The following PPP1R3B variants were observed in gnomAD, a reference collection of about 807,000 sequenced individuals.
PPP1R3B encodes the protein PP1 subunit R4.
Under a neutral mutation model 14.6 loss-of-function variants are expected in PPP1R3B, and 8 were observed. The observed-to-expected ratio is 0.55, with a 90% CI of 0.32 to 0.99. PPP1R3B has a LOEUF of 0.99. Ranked by LOEUF, PPP1R3B falls within the 50% of genes least tolerant of loss-of-function variation. The pLI is 0.04. For missense variants in PPP1R3B, 452 were observed against 360.1 expected (o/e 1.26, Z -2.07); for synonymous variants, 169 against 142.0 (o/e 1.19, Z -1.35).
At chr8:9,150,124 A>G (rs1432965290) in intron 1 of PPP1R3B, among the ~76,000 whole-genome samples, 1 of 152,068 alleles carries the variant, frequency 6.6e-6, no homozygotes, top group Non-Finnish European at 1.5e-5. Context: ...TGGCTCCTGG[A>G]CAACTCTGCC....
chr8:9,149,473 C>T (rs914514395), intron 1 of PPP1R3B, among the ~76,000 whole-genome samples: 7 of 152,230 alleles, frequency 4.6e-5, no homozygotes, highest in East Asian at 1.9e-4. Context: ...CACTGCACTC[C>T]AGCCTGGGCG....
At position 9,140,785 on chromosome 8, in the gene PPP1R3B, C is replaced by T; in HGVS notation, c.*9G>A. On this transcript the variant is annotated 3_prime_UTR_variant, in exon 2 of 2. Coordinates refer to ENST00000310455, the MANE Select transcript of PPP1R3B (RefSeq NM_024607.4). ...TGGCAGCTCCGCCACGCCCTGTCAC[C>T]TGCAGTCACTAGTAGTAGGGCCCTA... 1 of 1,612,760 alleles carries T rather than the reference C, an allele frequency of 6.2e-7. No individual in the cohort carries two copies. The highest frequency in any genetic ancestry group is 1.7e-4 in the Middle Eastern group (1 of 6,056).
At position 9,141,564 on chromosome 8, in the gene PPP1R3B, G is replaced by C. The variant is rs1188229664; in HGVS notation, c.88C>G (p.Pro30Ala). The change falls in exon 2 of 2, where the codon CCC becomes GCC. Residue 30 changes from proline (P) to alanine (A), a missense_variant. Coordinates refer to ENST00000310455, the MANE Select transcript of PPP1R3B (RefSeq NM_024607.4). ...ATACAAGGCCTCAGTGGTTTGCTGGGCTTTGGTGAGATCTTAAAGGCAAAC... is the reference window on the plus strand; with the variant it reads ...ATACAAGGCCTCAGTGGTTTGCTGGCCTTTGGTGAGATCTTAAAGGCAAAC... ...ERFAFKISPK[P>A]SKPLRPCIQL... is the part of the protein sequence containing the mutation. 1.2e-6 allele frequency: 2 copies of C among 1,614,146 alleles called. No individual in the cohort carries two copies. The highest frequency in any genetic ancestry group is 4.5e-5 in the East Asian group (2 of 44,878).
rs1470959720 is a variant in PPP1R3B at position 9,138,199 on chromosome 8, T to G, written c.*2595A>C. 2.0e-5 allele frequency: 3 copies of G among 152,212 alleles called. No individual in the cohort carries two copies. Among genetic ancestry groups the G allele is most frequent in the African/African-American group, 7.2e-5 (3 of 41,456 alleles). 9.4% of individuals were successfully genotyped at this position (152,212 alleles called of 1,614,324 possible). On this transcript the variant is annotated 3_prime_UTR_variant, in exon 2 of 2. Coordinates refer to ENST00000310455, the MANE Select transcript of PPP1R3B (RefSeq NM_024607.4). ...TTCCATTTGAGTTCGATTTATGCTA[T>G]TAATAGTTCTGATCACCAAATTTAT...
At chr8:9,142,355 C>G (rs1043883028) in intron 1 of PPP1R3B, 2 of 152,332 alleles carry the variant, frequency 1.3e-5, no homozygotes, top group African/African-American at 2.4e-5. Flanking sequence ...CTTGACCTCC[C>G]AAGGTGCTAG....
chr8:9,144,276 C>G (rs74658290), intron 1 of PPP1R3B, among the ~76,000 whole-genome samples: 16,907 of 151,578 alleles, frequency 0.11, 1,365 homozygotes, highest in East Asian at 0.36. Flanking sequence ...CAGCCTCCAC[C>G]TCCTGGGCTC....
rs930234531 is a variant in PPP1R3B at position 9,149,579 on chromosome 8, G to A, written c.-18+984C>T. On this transcript the variant is annotated intron_variant, in intron 1 of 1. Coordinates refer to ENST00000310455, the MANE Select transcript of PPP1R3B (RefSeq NM_024607.4). ...CCCACCAGGAACACTGAAAGCTGCC[G>A]AACTGCATTCAGTAAACATTCACAA... 6.5e-4 allele frequency among the ~76,000 whole-genome samples: 99 copies of A among 152,180 alleles called. 6 individuals carry two copies. The highest frequency in any genetic ancestry group is 4.4e-5 in the Non-Finnish European group (3 of 68,022).
At position 9,140,970 on chromosome 8, in the gene PPP1R3B, T is replaced by C; in HGVS notation, c.682A>G (p.Lys228Glu). 1.9e-6 allele frequency: 3 copies of C among 1,614,048 alleles called. No individual in the cohort carries two copies. Among genetic ancestry groups the C allele is most frequent in the South Asian group, 1.1e-5 (1 of 91,090 alleles). ...TCAGCCCGGATGATCCTATAGTTCT[T>C]GCCTCTGTTGCTGTCCCAGTACGTC... Reference protein sequence around the residue: ...GQTYWDSNRGKNYRIIRAELK... With the variant: ...GQTYWDSNRGENYRIIRAELK... Residue 228 changes from lysine (K) to glutamate (E), a missense_variant, in exon 2 of 2, where the codon AAG becomes GAG. Lys to Glu is a moderately conservative substitution (Grantham distance 56). Transcript: ENST00000310455.
In PPP1R3B at chr8:9,140,752, C is replaced by A. The variant is rs434238; in HGVS notation, c.*42G>T. The A allele has an allele frequency of 3.1e-6, 5 of 1,598,818 alleles. No homozygotes were observed. The highest frequency in any genetic ancestry group is 4.3e-6 in the Non-Finnish European group (5 of 1,171,626). On this transcript the variant is annotated 3_prime_UTR_variant, in exon 2 of 2. Coordinates refer to ENST00000310455, the MANE Select transcript of PPP1R3B (RefSeq NM_024607.4). ...CCACTGCACAGTGAGCAGAGCTAGG[C>A]TTGTCTGTGGCAGCTCCGCCACGCC...
chr8:9,151,129 G>A (rs1431251736), upstream of PPP1R3B, among the ~76,000 whole-genome samples: 1 of 152,174 alleles, frequency 6.6e-6, no homozygotes, highest in Admixed American at 6.5e-5. Flanking sequence ...ACGTGGGCCC[G>A]GGAGGCGCTT....
intron 1 of PPP1R3B, among the ~76,000 whole-genome samples, chr8:9,148,920 G>T (rs1013147715): frequency 6.6e-6 from 1 of 152,268 alleles, no homozygotes; most frequent in East Asian, 1.9e-4. Context: ...GGGCGTGGTG[G>T]CTCACGCCTG....
In PPP1R3B at chr8:9,138,523, T is replaced by A. The variant is rs1282203967; in HGVS notation, c.*2271A>T. On this transcript the variant is annotated 3_prime_UTR_variant, in exon 2 of 2. Coordinates refer to ENST00000310455, the MANE Select transcript of PPP1R3B (RefSeq NM_024607.4). Reference sequence around the variant, plus strand: ...AAACAAAACAACAACAAAAACAACCTAACCCAACCACAAAACTCTAGGAGC... The same window carrying A: ...AAACAAAACAACAACAAAAACAACCAAACCCAACCACAAAACTCTAGGAGC... 2.6e-5 allele frequency: 4 copies of A among 152,160 alleles called. No homozygotes were observed. Among genetic ancestry groups the A allele is most frequent in the Non-Finnish European group, 4.4e-5 (3 of 68,046 alleles). 9.4% of individuals were successfully genotyped at this position (152,160 alleles called of 1,614,324 possible).
intron 1 of PPP1R3B, among the ~76,000 whole-genome samples, chr8:9,146,500 A>G (rs1296684698): frequency 6.6e-6 from 1 of 151,784 alleles, no homozygotes; most frequent in African/African-American, 2.4e-5. Flanking sequence ...AAACATGTAA[A>G]GAAAAAAGGT....
At chr8:9,149,074 TC>T (rs1490053769) in intron 1 of PPP1R3B, among the ~76,000 whole-genome samples, 1 of 144,588 alleles carries the variant, frequency 6.9e-6, no homozygotes, top group East Asian at 2.0e-4. Flanking sequence ...GCGCCTGTAG[TC>T]CCAGCTACTC....
chr8:9,147,303 G>GGGA (rs1801271800), intron 1 of PPP1R3B, among the ~76,000 whole-genome samples: 2 of 152,208 alleles, frequency 1.3e-5, no homozygotes, highest in Non-Finnish European at 2.9e-5. Flanking sequence ...GCCCAGCCTT[G>GGGA]TTTTTAAACA....
At chr8:9,151,152 C>G (rs963401771), upstream of PPP1R3B, among the ~76,000 whole-genome samples, 2 of 152,168 alleles carry the variant, frequency 1.3e-5, no homozygotes, top group African/African-American at 2.4e-5. Flanking sequence ...CAGCTGCGGT[C>G]CCTGGATCGC....
rs558169472 is a variant in PPP1R3B at position 9,139,903 on chromosome 8, G to A, written c.*891C>T. Reference sequence around the variant, plus strand: ...ACCAGCCAAGCACGTTAAAGTCATTGAGCTTTCGGGGGAAAAATCAGATTT... The same window carrying A: ...ACCAGCCAAGCACGTTAAAGTCATTAAGCTTTCGGGGGAAAAATCAGATTT... On this transcript the variant is annotated 3_prime_UTR_variant, in exon 2 of 2. Transcript: ENST00000310455. 6.6e-6 allele frequency: 1 copy of A among 152,254 alleles called. No individual in the cohort carries two copies. Among genetic ancestry groups the A allele is most frequent in the African/African-American group, 2.4e-5 (1 of 41,550 alleles). 9.4% of individuals were successfully genotyped at this position (152,254 alleles called of 1,614,324 possible).
At position 9,136,741 on chromosome 8, in the gene PPP1R3B, G is replaced by T. The variant is rs955818352; in HGVS notation, c.*4053C>A. 6.6e-6 allele frequency: 1 copy of T among 152,138 alleles called. No homozygotes were observed. Among genetic ancestry groups the T allele is most frequent in the Non-Finnish European group, 1.5e-5 (1 of 68,026 alleles). The allele number at this position is 152,138 out of a possible 1,614,324, so 9.4% of individuals were successfully genotyped here. ...ATCATCCATGTAACTTCTTGTCTCC[G>T]ATTTCAGTGAACATGTCAGGAGAGA... is the stretch of plus-strand genomic sequence containing the variant. On this transcript the variant is annotated 3_prime_UTR_variant, in exon 2 of 2. Coordinates refer to ENST00000310455, the MANE Select transcript of PPP1R3B (RefSeq NM_024607.4).
chr8:9,143,343 A>G (rs1418786417), intron 1 of PPP1R3B, among the ~76,000 whole-genome samples: 4 of 152,220 alleles, frequency 2.6e-5, no homozygotes, highest in Non-Finnish European at 5.9e-5. Context: ...AATAGTGAAG[A>G]TAGACACAAA....
Sources: gnomAD v4.1 joint callset for allele counts (sites outside exome capture counted in the v4.1 genomes callset) on GRCh38, gnomAD v4.1.1 for gene constraint, MANE v1.5 for transcripts, NCBI Gene and HGNC (gene_info 2026-07-23, HGNC 2026-07-21) for gene names.